HERC4: variants seen among roughly 807,000 people sequenced by gnomAD.
HERC4 encodes HECT and RLD domain containing E3 ubiquitin protein ligase 4.
Under a neutral mutation model 124.3 loss-of-function variants are expected in HERC4, and 28 were observed. That is an observed-to-expected ratio of 0.23 (90% CI 0.17 to 0.31). The LOEUF (loss-of-function observed/expected upper bound fraction) is 0.31. Ranked by LOEUF, HERC4 falls within the 10% of genes least tolerant of loss-of-function variation. The pLI is 1.00. For missense variants in HERC4, 713 were observed against 1,229.3 expected (o/e 0.58, Z 6.28); for synonymous variants, 407 against 421.5 (o/e 0.97, Z 0.42).
At chr10:68,016,537 G>C (rs532800433) in intron 8 of HERC4, among the ~76,000 whole-genome samples, 2 of 152,018 alleles carry the variant, frequency 1.3e-5, no homozygotes, top group Non-Finnish European at 2.9e-5. Context: ...ATTTTTAGTA[G>C]AGATGGGGTT....
intron 9 of HERC4, among the ~76,000 whole-genome samples, chr10:68,005,864 G>C (rs902103049): frequency 2.6e-5 from 4 of 151,926 alleles, no homozygotes; most frequent in African/African-American, 9.7e-5. Flanking sequence ...ATGATGCCAG[G>C]CTAATTTTTA....
Position 68,069,041 on chromosome 10 carries a change from G to A in HERC4, c.226+3842C>T, listed in dbSNP as rs544156506. 22 of 984,782 alleles carry A rather than the reference G, an allele frequency of 2.2e-5. No individual in the cohort carries two copies. The South Asian group carries it at 9.9e-4, about 44-fold the overall frequency. 61.0% of individuals were successfully genotyped at this position (984,782 alleles called of 1,614,324 possible). A position where few individuals can be genotyped will look rare whatever the true frequency, so the allele number is the denominator to read the frequency against. On this transcript the variant is annotated intron_variant, in intron 3 of 24. Transcript: ENST00000373700. ...AACACCACTTTATTTACAAATTATG[G>A]TCACAGAACAGTTTAGTACTGTTTC...
intron 9 of HERC4, among the ~76,000 whole-genome samples, chr10:67,997,487 T>C (rs1401446753): frequency 6.6e-6 from 1 of 152,214 alleles, no homozygotes; most frequent in African/African-American, 2.4e-5. Flanking sequence ...CAAGCACTTA[T>C]GATTATATCT....
chr10:67,963,307 C>G (rs2034639627), intron 16 of HERC4, among the ~76,000 whole-genome samples: 1 of 152,128 alleles, frequency 6.6e-6, no homozygotes, highest in Non-Finnish European at 1.5e-5. Flanking sequence ...ACCTCCACCT[C>G]CCGGGTTCAA....
chr10:67,988,881 A>T (rs113569708), intron 14 of HERC4, 46 bp from the exon 15 acceptor site: 8 of 1,482,600 alleles, frequency 5.4e-6, no homozygotes, highest in Non-Finnish European at 7.4e-6. Flanking sequence ...TTTTTTAAAA[A>T]ATCACAATTT....
intron 8 of HERC4, among the ~76,000 whole-genome samples, chr10:68,023,829 T>A (rs759051726): frequency 1.2e-4 from 19 of 152,166 alleles, no homozygotes; most frequent in Non-Finnish European, 2.1e-4. Flanking sequence ...CAACTTCAGA[T>A]AACTTACAGA....
At chr10:68,054,193 TAA>T (rs960768654) in intron 3 of HERC4, among the ~76,000 whole-genome samples, 1 of 152,042 alleles carries the variant, frequency 6.6e-6, no homozygotes, top group African/African-American at 2.4e-5. Flanking sequence ...TACTATAAAA[TAA>T]AAAAGATACT....
chr10:68,010,236 C>A lies in HERC4; in HGVS notation c.1069+3790G>T, dbSNP rs576331787. Reference sequence around the variant, plus strand: ...GAATGCATGGGAGAGCCCAGAGTGGCGACAGAAACAGGGGGAAAGGCACTA... The same window carrying A: ...GAATGCATGGGAGAGCCCAGAGTGGAGACAGAAACAGGGGGAAAGGCACTA... On this transcript the variant is annotated intron_variant, in intron 9 of 24. Coordinates refer to ENST00000373700, the MANE Select transcript of HERC4 (RefSeq NM_015601.4). 5.7e-6 allele frequency: 6 copies of A among 1,061,504 alleles called. No homozygotes were observed. The African/African-American group carries it at 9.3e-5, about 16-fold the overall frequency. 65.8% of individuals were successfully genotyped at this position (1,061,504 alleles called of 1,614,324 possible). A position where few individuals can be genotyped will look rare whatever the true frequency, so the allele number is the denominator to read the frequency against.
At chr10:68,029,562 CT>C (rs1205708409) in intron 7 of HERC4, among the ~76,000 whole-genome samples, 2 of 151,760 alleles carry the variant, frequency 1.3e-5, no homozygotes, top group Admixed American at 1.3e-4. Context: ...GTATTTCCCC[CT>C]AGTGATATAC....
intron 19 of HERC4, among the ~76,000 whole-genome samples, chr10:67,953,576 T>C (rs1234964920): frequency 6.6e-6 from 1 of 152,174 alleles, no homozygotes; most frequent in Non-Finnish European, 1.5e-5. Context: ...TGGGACAATA[T>C]GAGCATCAAT....
chr10:67,945,331 T>C (rs1367381359), intron 19 of HERC4, among the ~76,000 whole-genome samples: 1 of 152,124 alleles, frequency 6.6e-6, no homozygotes, highest in Non-Finnish European at 1.5e-5. Flanking sequence ...ACTTTTATCC[T>C]AGAATAGTAT....
rs1170056216 is a variant in HERC4 at position 67,988,655 on chromosome 10, G to T, written c.1806+8C>A. 2.7e-6 allele frequency: 4 copies of T among 1,486,562 alleles called. No individual in the cohort carries two copies. The highest frequency in any genetic ancestry group is 1.3e-5 in the South Asian group (1 of 79,674). 92.1% of individuals were successfully genotyped at this position (1,486,562 alleles called of 1,614,324 possible). A position where few individuals can be genotyped will look rare whatever the true frequency, so the allele number is the denominator to read the frequency against. ...GAAAGAGGAAAATAAAGGAATGATT[G>T]GACATACCCTATGTAGTATTTCTAA... On this transcript the variant is annotated splice_region_variant and intron_variant, in intron 15 of 24. Coordinates refer to ENST00000373700, the MANE Select transcript of HERC4 (RefSeq NM_015601.4).
In HERC4 at chr10:68,073,731, C is replaced by A. The variant is rs574563267; in HGVS notation, c.-108-45G>T. On this transcript the variant is annotated intron_variant, in intron 1 of 24. Transcript: ENST00000373700. ...AATAATGGAAATTTAAAGCAATTTT[C>A]CACAATTTAAACGACTCTCCCAATT... The A allele has an allele frequency of 3.3e-5, 5 of 152,188 alleles. No homozygotes were observed. In the East Asian group the frequency reaches 9.6e-4, roughly 29 times the overall value. 9.4% of individuals were successfully genotyped at this position (152,188 alleles called of 1,614,324 possible). A position where few individuals can be genotyped will look rare whatever the true frequency, so the allele number is the denominator to read the frequency against.
chr10:68,010,201 A>G lies in HERC4; in HGVS notation c.1069+3825T>C, dbSNP rs993681945. Reference sequence around the variant, plus strand: ...GTATCCCATTCCTAGAAGGGCAGGCACCTCAGTTTGAATGCATGGGAGAGC... The same window carrying G: ...GTATCCCATTCCTAGAAGGGCAGGCGCCTCAGTTTGAATGCATGGGAGAGC... On this transcript the variant is annotated intron_variant, in intron 9 of 24. Coordinates refer to ENST00000373700, the MANE Select transcript of HERC4 (RefSeq NM_015601.4). 4.7e-6 allele frequency: 5 copies of G among 1,068,872 alleles called. No homozygotes were observed. The African/African-American group carries it at 7.7e-5, about 16-fold the overall frequency. 66.2% of individuals were successfully genotyped at this position (1,068,872 alleles called of 1,614,324 possible).
In HERC4 at chr10:68,071,522, C is replaced by T. The variant is rs1339157268; in HGVS notation, c.226+1361G>A. Among the ~76,000 whole-genome samples, 3 of 152,260 alleles carry T rather than the reference C, an allele frequency of 2.0e-5. 1 individual carries two copies. The highest frequency in any genetic ancestry group is 4.4e-5 in the Non-Finnish European group (3 of 68,020). ...AAGTACAAAGAACAGCAGTAGCCTC[C>T]GTACCATGAAAATCTCAACCTGAGG... On this transcript the variant is annotated intron_variant, in intron 3 of 24. Coordinates refer to ENST00000373700, the MANE Select transcript of HERC4 (RefSeq NM_015601.4).
chr10:68,004,672 T>C (rs979951877), intron 9 of HERC4, among the ~76,000 whole-genome samples: 2 of 152,178 alleles, frequency 1.3e-5, no homozygotes, highest in African/African-American at 4.8e-5. Flanking sequence ...CAGTTCAGCA[T>C]AGCTGGGGTG....
In HERC4 at chr10:67,989,086, C is replaced by T. The variant is rs573236364; in HGVS notation, c.1634-251G>A. Among the ~76,000 whole-genome samples, 642 of 152,052 alleles carry T rather than the reference C, an allele frequency of 4.2e-3. 5 individuals are homozygous for T. The highest frequency in any genetic ancestry group is 0.015 in the African/African-American group (613 of 41,520). ...GTGAAAGTCTTGTTGAATTTATATT[C>T]TTGGTTTCCTAAGTTATATAAAAAA... is the stretch of plus-strand genomic sequence containing the variant. On this transcript the variant is annotated intron_variant, in intron 14 of 24. Coordinates refer to ENST00000373700, the MANE Select transcript of HERC4 (RefSeq NM_015601.4).
At chr10:67,988,299 A>T (rs2036371773) in intron 15 of HERC4, among the ~76,000 whole-genome samples, 1 of 152,142 alleles carries the variant, frequency 6.6e-6, no homozygotes, top group Non-Finnish European at 1.5e-5. Context: ...CATAATTACA[A>T]CTAGGACCCA....
At chr10:67,935,392 G>C (rs146577925) in intron 22 of HERC4, among the ~76,000 whole-genome samples, 3 of 152,106 alleles carry the variant, frequency 2.0e-5, no homozygotes, top group African/African-American at 7.2e-5. Flanking sequence ...TGATCCGCCC[G>C]CCTCGGCCTC....
Sources: allele counts gnomAD v4.1 joint callset (sites outside exome capture counted in the v4.1 genomes callset), GRCh38; gene constraint gnomAD v4.1.1; transcripts MANE v1.5; gene names NCBI Gene and HGNC (gene_info 2026-07-23, HGNC 2026-07-21).